Variants in RARB observed in about 807,000 individuals in gnomAD.
RARB encodes HBV-activated protein.
A neutral mutation model predicts 51.9 loss-of-function variants in RARB; 17 were observed. The observed-to-expected ratio is 0.33, with a 90% confidence interval of 0.22 to 0.49. RARB has a LOEUF of 0.49. Among genes scored for constraint, RARB ranks in the 20% least tolerant of loss-of-function variants. The pLI is 0.99. For synonymous variants in RARB, 215 were observed against 195.4 expected, an observed-to-expected ratio of 1.10 and a Z score of -0.84; for missense variants, 369 against 550.8, an observed-to-expected ratio of 0.67 and a Z score of 3.30.
chr3:25,077,174 T>C (rs1163799023), intron 3 of RARB, among the ~76,000 whole-genome samples: 1 of 152,222 alleles, frequency 6.6e-6, no homozygotes, highest in Non-Finnish European at 1.5e-5. Flanking sequence ...TTTCCTAAAC[T>C]ACTCCTTCTA....
intron 3 of RARB, among the ~76,000 whole-genome samples, chr3:25,547,386 G>T (rs1427246353): frequency 6.6e-6 from 1 of 152,174 alleles, no homozygotes; most frequent in Non-Finnish European, 1.5e-5. Context: ...GCAGACTAAT[G>T]GATGTCAAGT....
intron 5 of RARB, among the ~76,000 whole-genome samples, chr3:25,331,733 G>T (rs1177118246): frequency 2.0e-5 from 3 of 152,104 alleles, no homozygotes; most frequent in African/African-American, 7.2e-5. Context: ...AATGAATCCA[G>T]GAGCTGGTTT....
At chr3:25,321,503 A>T (rs879536476) in intron 5 of RARB, among the ~76,000 whole-genome samples, 9 of 152,176 alleles carry the variant, frequency 5.9e-5, no homozygotes, top group Admixed American at 3.9e-4. Flanking sequence ...CAGTCACCTG[A>T]GGTTAGGTGT....
Position 25,578,188 on chromosome 3 carries a change from C to T in RARB, c.610-2358C>T, listed in dbSNP as rs6550984. 7.1e-3 allele frequency among the ~76,000 whole-genome samples: 1,087 copies of T among 152,362 alleles called. 15 individuals carry two copies. Among genetic ancestry groups the T allele is most frequent in the African/African-American group, 0.025 (1,052 of 41,582 alleles). ...CATTACCAACCCAAGCAGGCCAGGG[C>T]TCTCCATTTGCCGCAGCTGGAAGAT... On this transcript the variant is annotated intron_variant, in intron 4 of 7. Coordinates refer to ENST00000330688, the MANE Select transcript of RARB (RefSeq NM_000965.5).
intron 2 of RARB, among the ~76,000 whole-genome samples, chr3:25,032,975 A>T (rs1336406735): frequency 6.6e-6 from 1 of 152,232 alleles, no homozygotes; most frequent in East Asian, 1.9e-4. Flanking sequence ...AACCCATTAC[A>T]GTCAAATTGA....
chr3:24,865,117 A>T (rs1174751998), intron 2 of RARB, among the ~76,000 whole-genome samples: 1 of 152,158 alleles, frequency 6.6e-6, no homozygotes, highest in Non-Finnish European at 1.5e-5. Context: ...TTACCTACAG[A>T]TAATATTCAT....
At chr3:24,894,144 A>G (rs1012160443) in intron 2 of RARB, among the ~76,000 whole-genome samples, 4 of 152,178 alleles carry the variant, frequency 2.6e-5, no homozygotes, top group South Asian at 4.1e-4. Context: ...CACAGATTAA[A>G]GGATACATGT....
intron 5 of RARB, among the ~76,000 whole-genome samples, chr3:25,377,586 A>G (rs1191802315): frequency 6.6e-6 from 1 of 152,226 alleles, no homozygotes; most frequent in African/African-American, 2.4e-5. Flanking sequence ...AGTTTAATTT[A>G]AAATAGATGA....
intron 1 of RARB, among the ~76,000 whole-genome samples, chr3:25,453,651 C>T (rs998112520): frequency 6.6e-6 from 1 of 152,164 alleles, no homozygotes; most frequent in African/African-American, 2.4e-5. Flanking sequence ...TTCTTTCCCC[C>T]AGCCCTTCCT....
intron 2 of RARB, among the ~76,000 whole-genome samples, chr3:25,039,504 C>T (rs1188258357): frequency 6.6e-6 from 1 of 152,146 alleles, no homozygotes; most frequent in East Asian, 1.9e-4. Flanking sequence ...GGAAATAGGG[C>T]CACGGTAGTG....
At chr3:25,500,934 A>G (rs1023207203) in intron 2 of RARB, among the ~76,000 whole-genome samples, 1 of 152,200 alleles carries the variant, frequency 6.6e-6, no homozygotes, top group African/African-American at 2.4e-5. Flanking sequence ...TCAGCTTGGA[A>G]TTAACTTTCC....
At chr3:25,331,547 G>A (rs1177819390) in intron 5 of RARB, among the ~76,000 whole-genome samples, 1 of 152,188 alleles carries the variant, frequency 6.6e-6, no homozygotes, top group African/African-American at 2.4e-5. Flanking sequence ...GAAATTTATA[G>A]CACTAAATGC....
chr3:25,372,258 C>CT (rs200673256), intron 5 of RARB, among the ~76,000 whole-genome samples: 5 of 152,252 alleles, frequency 3.3e-5, no homozygotes, highest in East Asian at 3.9e-4. Flanking sequence ...GCTGTGAGGC[C>CT]TGTCCTATGT....
chr3:25,035,437 T>C (rs1300155756), intron 2 of RARB, among the ~76,000 whole-genome samples: 1 of 118,306 alleles, frequency 8.5e-6, no homozygotes, highest in African/African-American at 2.7e-5. Flanking sequence ...TTTTTTTTTT[T>C]TTTTTTTTTT....
chr3:25,549,571 A>G (rs1383525769), intron 3 of RARB, among the ~76,000 whole-genome samples: 2 of 152,182 alleles, frequency 1.3e-5, no homozygotes, highest in Non-Finnish European at 2.9e-5. Flanking sequence ...ATGAAAGACC[A>G]TAACCCTCTG....
chr3:25,285,075 A>G (rs1703616495), intron 5 of RARB, among the ~76,000 whole-genome samples: 1 of 152,138 alleles, frequency 6.6e-6, no homozygotes. Flanking sequence ...ACTGTGTTAG[A>G]TAGAGGGAGC....
At chr3:25,103,717 A>C (rs1366304224) in intron 3 of RARB, among the ~76,000 whole-genome samples, 1 of 152,210 alleles carries the variant, frequency 6.6e-6, no homozygotes, top group Admixed American at 6.5e-5. Flanking sequence ...CCATGAATTG[A>C]ATGTTGCTAC....
intron 2 of RARB, among the ~76,000 whole-genome samples, chr3:25,059,211 T>G (rs2125303171): frequency 6.6e-6 from 1 of 151,974 alleles, no homozygotes; most frequent in East Asian, 1.9e-4. Context: ...TCAGTTGAGT[T>G]AACCTAAGCC....
At position 25,396,651 on chromosome 3, in the gene RARB, C is replaced by T. The variant is rs528917676; in HGVS notation, c.179-64542C>T. 2.6e-5 allele frequency among the ~76,000 whole-genome samples: 4 copies of T among 152,164 alleles called. No individual in the cohort carries two copies. In the South Asian group the frequency reaches 8.3e-4, roughly 32 times the overall value. ...ACCAGGGCAGGTAGAGAAAAACCAT[C>T]AGGTTAGGGCAGGGTTAGGTGTGTC... On this transcript the variant is annotated intron_variant, in intron 5 of 11. Transcript: ENST00000383772.
Sources: gnomAD v4.1 joint callset for allele counts (sites outside exome capture counted in the v4.1 genomes callset) on GRCh38, gnomAD v4.1.1 for gene constraint, MANE v1.5 for transcripts, NCBI Gene and HGNC (gene_info 2026-07-23, HGNC 2026-07-21) for gene names.